NTRK3: variants seen among roughly 807,000 people sequenced by gnomAD.
NTRK3 encodes NT-3 growth factor receptor.
NTRK3 carries 24 observed loss-of-function variants against 91.7 expected under a neutral mutation model. The ratio of observed to expected loss-of-function variants is 0.26; its 90% CI spans 0.19 to 0.37. NTRK3 has a LOEUF of 0.37. Among genes scored for constraint, NTRK3 ranks in the 10% least tolerant of loss-of-function variants. NTRK3 has a pLI of 1.00. For synonymous variants in NTRK3, 483 were observed against 404.0 expected, an observed-to-expected ratio of 1.20 and a Z score of -2.34; for missense variants, 880 against 1,068.9, an observed-to-expected ratio of 0.82 and a Z score of 2.46.
At chr15:88,178,461 A>G (rs16941397) in intron 5 of NTRK3, among the ~76,000 whole-genome samples, 2,728 of 152,228 alleles carry the variant, frequency 0.018, 68 homozygotes, top group African/African-American at 0.062. Context: ...AGTTGATACA[A>G]TCATGCTCAA....
intron 15 of NTRK3, among the ~76,000 whole-genome samples, chr15:87,934,834 C>T (rs1385715996): frequency 1.3e-5 from 2 of 152,168 alleles, no homozygotes; most frequent in African/African-American, 4.8e-5. Flanking sequence ...GTAGCAATGC[C>T]TCTAAGGTCA....
At chr15:87,962,685 C>G (rs1334526449) in intron 14 of NTRK3, among the ~76,000 whole-genome samples, 1 of 152,164 alleles carries the variant, frequency 6.6e-6, no homozygotes, top group Non-Finnish European at 1.5e-5. Flanking sequence ...TTGTCTGTGG[C>G]CTTTTACAGC....
At chr15:88,037,763 G>T (rs2079194219) in intron 13 of NTRK3, among the ~76,000 whole-genome samples, 1 of 152,202 alleles carries the variant, frequency 6.6e-6, no homozygotes, top group Non-Finnish European at 1.5e-5. Context: ...TTGGAGAAAT[G>T]CTGATGATTG....
intron 17 of NTRK3, among the ~76,000 whole-genome samples, chr15:87,905,160 A>G (rs1255937221): frequency 6.6e-6 from 1 of 152,256 alleles, no homozygotes; most frequent in Non-Finnish European, 1.5e-5. Context: ...AAATGACAAG[A>G]GTATGGCTTC....
At chr15:87,911,878 A>G (rs923624239) in intron 17 of NTRK3, among the ~76,000 whole-genome samples, 5 of 152,244 alleles carry the variant, frequency 3.3e-5, no homozygotes, top group African/African-American at 1.2e-4. Context: ...AGGCATGAAT[A>G]CTGCCCTTAA....
chr15:87,992,589 T>A (rs2075374667), intron 14 of NTRK3, among the ~76,000 whole-genome samples: 2 of 152,262 alleles, frequency 1.3e-5, no homozygotes, highest in Non-Finnish European at 2.9e-5. Context: ...CCAATATCTA[T>A]AAGCACTTTC....
intron 5 of NTRK3, among the ~76,000 whole-genome samples, chr15:88,175,832 G>C (rs904488513): frequency 1.3e-5 from 2 of 152,136 alleles, no homozygotes; most frequent in Admixed American, 6.5e-5. Flanking sequence ...AGATATATGT[G>C]ATAAAGCCAG....
chr15:88,113,282 G>T (rs1356294690), intron 13 of NTRK3, among the ~76,000 whole-genome samples: 2 of 149,434 alleles, frequency 1.3e-5, no homozygotes, highest in African/African-American at 2.5e-5. Context: ...AGGAGCTCTT[G>T]GTAGACTCCC....
At chr15:88,256,669 G>A (rs1464341784) in exon 1 of NTRK3, 5 of 404,296 alleles carry the variant, frequency 1.2e-5, no homozygotes, top group African/African-American at 2.1e-5. Flanking sequence ...AGGAAGAGAA[G>A]GAAGATGCAG....
At chr15:88,230,046 G>C (rs765314205) in intron 3 of NTRK3, among the ~76,000 whole-genome samples, 1 of 152,300 alleles carries the variant, frequency 6.6e-6, no homozygotes, top group East Asian at 1.9e-4. Context: ...CGTGTGCTCT[G>C]GACTCCAATC....
intron 13 of NTRK3, among the ~76,000 whole-genome samples, chr15:88,092,483 G>A (rs1408023203): frequency 6.6e-6 from 1 of 152,206 alleles, no homozygotes; most frequent in East Asian, 1.9e-4. Context: ...GGCATCTATA[G>A]GTACCCATGG....
intron 14 of NTRK3, among the ~76,000 whole-genome samples, chr15:87,967,158 T>C (rs1182263746): frequency 7.2e-5 from 11 of 152,194 alleles, no homozygotes; most frequent in Non-Finnish European, 1.2e-4. Context: ...CATTTGCTCA[T>C]GATCTCAGAG....
intron 13 of NTRK3, among the ~76,000 whole-genome samples, chr15:88,073,118 C>T (rs1294523256): frequency 6.6e-6 from 1 of 152,150 alleles, no homozygotes; most frequent in Admixed American, 6.5e-5. Context: ...AAGACACCTG[C>T]GGTTCTCAAA....
intron 17 of NTRK3, among the ~76,000 whole-genome samples, chr15:87,916,037 T>C (rs2067425443): frequency 6.6e-6 from 1 of 152,038 alleles, no homozygotes; most frequent in South Asian, 2.1e-4. Flanking sequence ...CAACCGAGAG[T>C]AAAAACTGTG....
chr15:87,885,892 T>C (rs2065507506), intron 17 of NTRK3, among the ~76,000 whole-genome samples, 157 bp from the exon 18 acceptor site: 1 of 151,970 alleles, frequency 6.6e-6, no homozygotes, highest in Admixed American at 6.6e-5. Flanking sequence ...TAAATTCTTT[T>C]GCATGGCAAA....
chr15:88,245,939 C>T lies in NTRK3; in HGVS notation c.248+9967G>A, dbSNP rs1367050210. On this transcript the variant is annotated intron_variant, in intron 3 of 18. Coordinates refer to ENST00000394480, the Ensembl canonical transcript of NTRK3. ...TAATGTCAGCTTCTTTCCTTCTCTT[C>T]AGTGGACCAGATTTGAAAAGCTATC... Among the ~76,000 whole-genome samples, 3 of 152,146 alleles carry T rather than the reference C, an allele frequency of 2.0e-5. No individual in the cohort carries two copies. In the East Asian group the frequency reaches 5.8e-4, roughly 29 times the overall value.
At chr15:87,971,559 G>A (rs1319863535) in intron 14 of NTRK3, among the ~76,000 whole-genome samples, 1 of 152,212 alleles carries the variant, frequency 6.6e-6, no homozygotes, top group Admixed American at 6.5e-5. Flanking sequence ...GGCAGCAAGA[G>A]GGCAGAGCTT....
intron 13 of NTRK3, among the ~76,000 whole-genome samples, chr15:88,055,161 G>A (rs1246723637): frequency 6.6e-6 from 1 of 152,182 alleles, no homozygotes; most frequent in Non-Finnish European, 1.5e-5. Context: ...GACCCCCATG[G>A]CCTCAGCCTT....
intron 13 of NTRK3, among the ~76,000 whole-genome samples, chr15:88,082,997 C>T (rs2048191789): frequency 6.6e-6 from 1 of 152,212 alleles, no homozygotes; most frequent in South Asian, 2.1e-4. Flanking sequence ...AGGATAAAAA[C>T]TTCAAGGCCA....
Sources: gnomAD v4.1 joint callset for allele counts (sites outside exome capture counted in the v4.1 genomes callset) on GRCh38, gnomAD v4.1.1 for gene constraint, MANE v1.5 for transcripts, NCBI Gene and HGNC (gene_info 2026-07-23, HGNC 2026-07-21) for gene names.